NXPH1: variants seen among roughly 807,000 people sequenced by gnomAD.
The protein encoded by NXPH1 is neurexophilin-1.
NXPH1 carries 5 observed loss-of-function variants against 23.7 expected under a neutral mutation model. The ratio of observed to expected loss-of-function variants is 0.21; its 90% confidence interval spans 0.11 to 0.44. The LOEUF is 0.44. Among genes scored for constraint, NXPH1 ranks in the 20% least tolerant of loss-of-function variants. The pLI, the probability that NXPH1 is intolerant of heterozygous loss-of-function variation, is 0.99. For synonymous variants in NXPH1, 144 were observed against 122.2 expected, an observed-to-expected ratio of 1.18 and a Z score of -1.18; for missense variants, 324 against 321.6, an observed-to-expected ratio of 1.01 and a Z score of -0.06.
chr7:8,620,081 T>C (rs1253179666), intron 2 of NXPH1, among the ~76,000 whole-genome samples: 2 of 152,186 alleles, frequency 1.3e-5, no homozygotes, highest in Non-Finnish European at 1.5e-5. Flanking sequence ...AGAGTAGCCG[T>C]TGACCTCTAG....
chr7:8,707,930 C>G (rs560081740), intron 2 of NXPH1, among the ~76,000 whole-genome samples: 2 of 152,032 alleles, frequency 1.3e-5, no homozygotes, highest in Non-Finnish European at 2.9e-5. Context: ...TTAAATAATG[C>G]AGATAAAAGC....
chr7:8,572,368 T>C, intron 2 of NXPH1, among the ~76,000 whole-genome samples: 1 of 151,852 alleles, frequency 6.6e-6, no homozygotes, highest in East Asian at 1.9e-4. Context: ...TATATTCAAT[T>C]TGGAGAAAAA....
At chr7:8,487,128 A>G (rs996679853) in intron 2 of NXPH1, among the ~76,000 whole-genome samples, 12 of 152,148 alleles carry the variant, frequency 7.9e-5, no homozygotes, top group African/African-American at 2.9e-4. Context: ...CTTATCATAT[A>G]TTCTATAAAT....
intron 2 of NXPH1, among the ~76,000 whole-genome samples, chr7:8,498,183 G>T (rs575342798): frequency 1.3e-3 from 199 of 152,104 alleles, no homozygotes; most frequent in South Asian, 9.3e-3. Context: ...TATTTAGATG[G>T]ACATCAGCTT....
At chr7:8,672,530 A>G (rs10265894) in intron 2 of NXPH1, among the ~76,000 whole-genome samples, 10,641 of 148,588 alleles carry the variant, frequency 0.072, 789 homozygotes, top group East Asian at 0.25. Context: ...CCCCTAGGGG[A>G]AAAAAAAAAG....
At chr7:8,443,249 G>A (rs778070383) in intron 2 of NXPH1, among the ~76,000 whole-genome samples, 1 of 152,236 alleles carries the variant, frequency 6.6e-6, no homozygotes, top group Admixed American at 6.5e-5. Flanking sequence ...AGTGGTTGCG[G>A]CGTCACGTGA....
intron 2 of NXPH1, among the ~76,000 whole-genome samples, chr7:8,749,273 T>C (rs547094738): frequency 1.8e-4 from 28 of 152,320 alleles, no homozygotes; most frequent in African/African-American, 6.5e-4. Context: ...ATGAAGTAGA[T>C]ATCATATTGC....
chr7:8,465,371 T>A (rs557065302), intron 2 of NXPH1, among the ~76,000 whole-genome samples: 1 of 152,134 alleles, frequency 6.6e-6, no homozygotes, highest in African/African-American at 2.4e-5. Flanking sequence ...ACATTGGGGA[T>A]TGTGTCTCCT....
chr7:8,707,659 A>G (rs1404343371), intron 2 of NXPH1, among the ~76,000 whole-genome samples: 2 of 152,110 alleles, frequency 1.3e-5, no homozygotes, highest in African/African-American at 4.8e-5. Context: ...TAATGATAGT[A>G]AAGCAGTAAG....
chr7:8,438,827 ATTT>A (rs1816243682), intron 2 of NXPH1, among the ~76,000 whole-genome samples: 1 of 152,094 alleles, frequency 6.6e-6, no homozygotes, highest in African/African-American at 2.4e-5. Context: ...TAGGTTGAGG[ATTT>A]TTGTGTTTTT....
chr7:8,574,673 A>T (rs1818718444), intron 2 of NXPH1, among the ~76,000 whole-genome samples: 1 of 152,176 alleles, frequency 6.6e-6, no homozygotes, highest in Non-Finnish European at 1.5e-5. Context: ...TTTAGAATCT[A>T]TTTAAACATT....
chr7:8,528,431 A>T (rs1451592306), intron 2 of NXPH1, among the ~76,000 whole-genome samples: 2 of 152,250 alleles, frequency 1.3e-5, no homozygotes, highest in Non-Finnish European at 2.9e-5. Flanking sequence ...TTTCCGACAG[A>T]TTGCATCCCA....
intron 2 of NXPH1, among the ~76,000 whole-genome samples, chr7:8,654,038 CAATGTATA>C: frequency 6.6e-6 from 1 of 152,228 alleles, no homozygotes; most frequent in Non-Finnish European, 1.5e-5. Context: ...TTTTTCATTT[CAATGTATA>C]AATCTATTTT....
At chr7:8,471,397 C>T (rs1285702671) in intron 2 of NXPH1, among the ~76,000 whole-genome samples, 1 of 152,044 alleles carries the variant, frequency 6.6e-6, no homozygotes, top group African/African-American at 2.4e-5. Context: ...ATAAAACTGA[C>T]CTTTAGTTTA....
chr7:8,669,190 C>G (rs1820827946), intron 2 of NXPH1, among the ~76,000 whole-genome samples: 1 of 152,156 alleles, frequency 6.6e-6, no homozygotes, highest in Admixed American at 6.5e-5. Context: ...GGGGCCAGCC[C>G]AAGACTGGGC....
At chr7:8,634,276 G>T (rs970039358) in intron 2 of NXPH1, among the ~76,000 whole-genome samples, 1 of 152,176 alleles carries the variant, frequency 6.6e-6, no homozygotes, top group East Asian at 1.9e-4. Flanking sequence ...GTTTCATAAA[G>T]GGCGGTTCCC....
chr7:8,702,052 G>A (rs1779632361), intron 2 of NXPH1, among the ~76,000 whole-genome samples: 1 of 148,024 alleles, frequency 6.8e-6, no homozygotes, highest in Non-Finnish European at 1.5e-5. Flanking sequence ...AAAAAAAAAA[G>A]CCCTCCGTAT....
intron 2 of NXPH1, among the ~76,000 whole-genome samples, chr7:8,613,398 A>T (rs1043946040): frequency 6.6e-6 from 1 of 152,020 alleles, no homozygotes; most frequent in African/African-American, 2.4e-5. Flanking sequence ...ATAATGTGAT[A>T]ATTAGAAGGC....
At chr7:8,487,805 T>C (rs1817183488) in intron 2 of NXPH1, among the ~76,000 whole-genome samples, 1 of 152,184 alleles carries the variant, frequency 6.6e-6, no homozygotes, top group South Asian at 2.1e-4. Flanking sequence ...AGCTTCGGAC[T>C]GTGGGAAGGG....
Sources: gnomAD v4.1 joint callset for allele counts (sites outside exome capture counted in the v4.1 genomes callset) on GRCh38, gnomAD v4.1.1 for gene constraint, MANE v1.5 for transcripts, NCBI Gene and HGNC (gene_info 2026-07-23, HGNC 2026-07-21) for gene names.